Variants in CUBN observed in about 807,000 individuals in gnomAD.
CUBN encodes the protein cubilin.
A neutral mutation model predicts 405.3 loss-of-function variants in CUBN; 282 were observed. The ratio of observed to expected loss-of-function variants is 0.70; its 90% CI spans 0.63 to 0.77. The LOEUF is 0.77. Ranked by LOEUF, CUBN falls within the 30% of genes least tolerant of loss-of-function variation. The pLI is 0.00. For missense variants in CUBN, 4,514 were observed against 4,475.2 expected (o/e 1.01, Z -0.25); for synonymous variants, 1,684 against 1,617.0 (o/e 1.04, Z -0.99).
intron 9 of CUBN, 121 bp downstream of exon 9, chr10:17,110,798 C>T (rs1052421594): frequency 6.9e-7 from 1 of 1,447,360 alleles, no homozygotes; most frequent in Admixed American, 1.7e-5. Flanking sequence ...GCTGGGATTA[C>T]AGGCATGAGC....
intron 28 of CUBN, among the ~76,000 whole-genome samples, chr10:17,017,713 A>G (rs1834371197): frequency 6.6e-6 from 1 of 152,102 alleles, no homozygotes; most frequent in South Asian, 2.1e-4. Flanking sequence ...TGTCTTTCTG[A>G]TTGGTGAACC....
chr10:16,986,240 G>A (rs1278700480), intron 29 of CUBN, among the ~76,000 whole-genome samples: 2 of 152,156 alleles, frequency 1.3e-5, no homozygotes, highest in Non-Finnish European at 1.5e-5. Context: ...CTCTCAGGGG[G>A]ATCTGGGCAC....
intron 31 of CUBN, among the ~76,000 whole-genome samples, chr10:16,967,199 C>T (rs1843416451): frequency 6.6e-6 from 1 of 152,176 alleles, no homozygotes; most frequent in African/African-American, 2.4e-5. Context: ...GTTCAATTCA[C>T]AACCCCACAT....
chr10:16,991,335 T>A (rs1833581037), intron 28 of CUBN, among the ~76,000 whole-genome samples: 1 of 152,208 alleles, frequency 6.6e-6, no homozygotes, highest in Non-Finnish European at 1.5e-5. Flanking sequence ...AGCAAATCAG[T>A]GCAAACAGAG....
intron 43 of CUBN, among the ~76,000 whole-genome samples, chr10:16,921,802 T>C (rs1842041826): frequency 6.6e-6 from 1 of 152,210 alleles, no homozygotes; most frequent in Admixed American, 6.5e-5. Flanking sequence ...TGATAAGCAG[T>C]CTGTTGATTA....
intron 17 of CUBN, among the ~76,000 whole-genome samples, chr10:17,078,338 G>T (rs754115716): frequency 2.6e-5 from 4 of 151,992 alleles, no homozygotes; most frequent in African/African-American, 4.8e-5. Context: ...CAGTCTCTAG[G>T]GCTGGGTTAG....
At chr10:16,974,787 C>T (rs1833043572) in intron 31 of CUBN, among the ~76,000 whole-genome samples, 1 of 152,096 alleles carries the variant, frequency 6.6e-6, no homozygotes, top group Non-Finnish European at 1.5e-5. Flanking sequence ...CCTCTTCCTC[C>T]CCAACCCACT....
intron 55 of CUBN, among the ~76,000 whole-genome samples, chr10:16,889,719 C>A (rs1260378537): frequency 2.6e-5 from 4 of 151,450 alleles, no homozygotes; most frequent in Non-Finnish European, 5.9e-5. Flanking sequence ...CATGGTGAAA[C>A]CCCGTCTCTA....
At chr10:16,853,149 G>T (rs1839769601) in intron 59 of CUBN, among the ~76,000 whole-genome samples, 1 of 152,170 alleles carries the variant, frequency 6.6e-6, no homozygotes. Context: ...TAAGCAGACA[G>T]CTCAGAAATG....
rs191624756 is a variant in CUBN, at chr10:16,838,958, T to A, written c.10032+1372A>T. Among the ~76,000 whole-genome samples, 544 of 152,274 alleles carry A rather than the reference T, an allele frequency of 3.6e-3. 6 individuals carry two copies. Among genetic ancestry groups the A allele is most frequent in the African/African-American group, 0.012 (514 of 41,550 alleles). ...ACCACACCCAGCCCTTTTCTTTTTA[T>A]CTCTCTTATATTACCATGAATATAA... On this transcript the variant is annotated intron_variant, in intron 62 of 66. Transcript: ENST00000377833.
intron 28 of CUBN, among the ~76,000 whole-genome samples, chr10:17,004,921 G>T (rs931819428): frequency 1.3e-5 from 2 of 152,044 alleles, no homozygotes; most frequent in Non-Finnish European, 2.9e-5. Context: ...GCCTCCCGAA[G>T]TGCTGGGATT....
intron 56 of CUBN, among the ~76,000 whole-genome samples, chr10:16,877,965 AT>A (rs1254292953): frequency 6.6e-6 from 1 of 152,228 alleles, no homozygotes; most frequent in Non-Finnish European, 1.5e-5. Flanking sequence ...TCCATCATGC[AT>A]TTGTATGTGA....
chr10:17,072,044 A>C lies in CUBN; in HGVS notation c.2302-73T>G. The C allele has an allele frequency of 5.7e-6, 7 of 1,235,722 alleles. No homozygotes were observed. The South Asian group carries it at 7.8e-5, about 14-fold the overall frequency. The allele number at this position is 1,235,722 out of a possible 1,614,324, so 76.5% of individuals were successfully genotyped here. On this transcript the variant is annotated intron_variant, in intron 17 of 66. Transcript: ENST00000377833. ...CGTCGGCAATGGTGGCGTTACTTGGAGATGAAAAAATGGCAGATTCAAAAT... is the reference window on the plus strand; with the variant it reads ...CGTCGGCAATGGTGGCGTTACTTGGCGATGAAAAAATGGCAGATTCAAAAT...
intron 59 of CUBN, 126 bp from the exon 60 acceptor site, chr10:16,851,569 T>G: frequency 1.1e-6 from 1 of 873,250 alleles, no homozygotes. Context: ...ATCAGATCAT[T>G]CCCTCCTGGG....
chr10:17,037,942 CTTT>C (rs397846881), intron 27 of CUBN, among the ~76,000 whole-genome samples: 3 of 142,930 alleles, frequency 2.1e-5, no homozygotes, highest in Non-Finnish European at 3.0e-5. Context: ...ACACAGTCAC[CTTT>C]TTTTTTTTTT....
chr10:17,062,820 C>T (rs1460795382), intron 22 of CUBN, among the ~76,000 whole-genome samples: 1 of 152,198 alleles, frequency 6.6e-6, no homozygotes, highest in Non-Finnish European at 1.5e-5. Context: ...AAATCAACAA[C>T]CAAATACCAA....
At chr10:16,929,924 A>G (rs1842315875) in intron 40 of CUBN, among the ~76,000 whole-genome samples, 1 of 152,190 alleles carries the variant, frequency 6.6e-6, no homozygotes. Context: ...TGGTGAAACA[A>G]TGCTTATCTC....
At chr10:17,129,537 A>C in intron 1 of CUBN, 107 bp downstream of exon 1, 2 of 1,433,898 alleles carry the variant, frequency 1.4e-6, no homozygotes, top group Non-Finnish European at 2.0e-6. Context: ...GCTTCTCAAC[A>C]TAATTTTCCT....
intron 7 of CUBN, 56 bp from the exon 8 acceptor site, chr10:17,114,245 C>A: frequency 6.4e-7 from 1 of 1,564,270 alleles, no homozygotes; most frequent in Non-Finnish European, 8.8e-7. Flanking sequence ...GCAAGAAAAG[C>A]CTTTGAACAT....
Sources: allele counts gnomAD v4.1 joint callset (sites outside exome capture counted in the v4.1 genomes callset), GRCh38; gene constraint gnomAD v4.1.1; transcripts MANE v1.5; gene names NCBI Gene and HGNC (gene_info 2026-07-23, HGNC 2026-07-21).